Variants in TNR observed in about 807,000 individuals in gnomAD.
The protein encoded by TNR is tenascin R, also known as tenascin-R.
TNR carries 45 observed loss-of-function variants against 150.4 expected under a neutral mutation model. That is an observed-to-expected ratio of 0.30 (90% confidence interval 0.24 to 0.38). TNR has a LOEUF of 0.38. TNR is among the 10% of genes least tolerant of loss of function. The pLI, the probability that TNR is intolerant of heterozygous loss-of-function variation, is 1.00. For missense variants in TNR, 1,544 were observed against 1,759.1 expected, an observed-to-expected ratio of 0.88 and a Z score of 2.19; for synonymous variants, 687 against 678.4, an observed-to-expected ratio of 1.01 and a Z score of -0.20.
chr1:175,705,377 G>C (rs1265598585), intron 1 of TNR, among the ~76,000 whole-genome samples: 1 of 152,098 alleles, frequency 6.6e-6, no homozygotes, highest in East Asian at 1.9e-4. Flanking sequence ...ACATTAAAAA[G>C]CCACTGTGAT....
intron 1 of TNR, among the ~76,000 whole-genome samples, chr1:175,541,080 C>T (rs966088040): frequency 3.9e-5 from 6 of 152,166 alleles, no homozygotes; most frequent in Non-Finnish European, 8.8e-5. Context: ...CATAGAAACA[C>T]CAGCCTGGTT....
intron 1 of TNR, among the ~76,000 whole-genome samples, chr1:175,621,574 A>C (rs937122311): frequency 6.6e-6 from 1 of 152,208 alleles, no homozygotes; most frequent in African/African-American, 2.4e-5. Context: ...TAATAGTAGT[A>C]CCTATCTCAT....
intron 2 of TNR, among the ~76,000 whole-genome samples, chr1:175,414,941 G>A (rs1282100066): frequency 1.3e-5 from 2 of 148,688 alleles, no homozygotes; most frequent in African/African-American, 4.9e-5. Flanking sequence ...GGGCCTCAGG[G>A]CAAAAAAAAA....
At chr1:175,352,981 C>G (rs760859548) in intron 18 of TNR, among the ~76,000 whole-genome samples, 1 of 152,090 alleles carries the variant, frequency 6.6e-6, no homozygotes, top group Non-Finnish European at 1.5e-5. Flanking sequence ...GACGGGAATC[C>G]AGTCATTCTG....
intron 1 of TNR, among the ~76,000 whole-genome samples, chr1:175,529,395 G>T (rs532017637): frequency 2.6e-4 from 39 of 152,352 alleles, no homozygotes; most frequent in African/African-American, 8.9e-4. Context: ...ATTGGAAGAA[G>T]TGTAAAGATT....
chr1:175,681,491 G>A (rs1357074951), intron 1 of TNR, among the ~76,000 whole-genome samples: 2 of 152,198 alleles, frequency 1.3e-5, no homozygotes, highest in Non-Finnish European at 2.9e-5. Context: ...CATCTATAGG[G>A]AGGTGCTGCG....
intron 1 of TNR, among the ~76,000 whole-genome samples, chr1:175,696,795 T>C (rs140559472): frequency 0.028 from 4,177 of 151,702 alleles, 188 homozygotes; most frequent in African/African-American, 0.095. Context: ...AGGAAAATTG[T>C]TTGAACCCAG....
chr1:175,356,986 C>T (rs1339313561), intron 15 of TNR, among the ~76,000 whole-genome samples: 1 of 152,188 alleles, frequency 6.6e-6, no homozygotes, highest in Admixed American at 6.5e-5. Context: ...GTGCTTGTGC[C>T]ACTTATATTA....
At chr1:175,326,236 A>G (rs1649383778) in intron 21 of TNR, among the ~76,000 whole-genome samples, 3 of 152,190 alleles carry the variant, frequency 2.0e-5, no homozygotes, top group South Asian at 2.1e-4. Context: ...ATAACAGTTT[A>G]TAAAACTTTT....
At chr1:175,486,934 T>C (rs1422676835) in intron 2 of TNR, among the ~76,000 whole-genome samples, 1 of 152,254 alleles carries the variant, frequency 6.6e-6, no homozygotes, top group African/African-American at 2.4e-5. Context: ...TTGAGAAGTG[T>C]CTGTTCATAT....
intron 2 of TNR, among the ~76,000 whole-genome samples, chr1:175,488,117 G>A (rs1196412844): frequency 6.6e-6 from 1 of 152,206 alleles, no homozygotes; most frequent in African/African-American, 2.4e-5. Flanking sequence ...GTGCAAGAAA[G>A]CAGAGAGGCA....
chr1:175,414,207 A>G (rs1191187448), intron 2 of TNR, among the ~76,000 whole-genome samples: 1 of 152,022 alleles, frequency 6.6e-6, no homozygotes, highest in Non-Finnish European at 1.5e-5. Context: ...CTCATAAGCC[A>G]CCCAGTTTAC....
chr1:175,355,931 C>A (rs1411679173), intron 16 of TNR, among the ~76,000 whole-genome samples: 1 of 152,190 alleles, frequency 6.6e-6, no homozygotes, highest in Non-Finnish European at 1.5e-5. Context: ...ACTCTCATGT[C>A]TGCTTGTTCA....
intron 1 of TNR, among the ~76,000 whole-genome samples, chr1:175,555,878 T>C (rs1661138121): frequency 6.6e-6 from 1 of 152,234 alleles, no homozygotes; most frequent in Non-Finnish European, 1.5e-5. Context: ...GTTGTGTGGC[T>C]ATAAGATTAT....
At chr1:175,476,812 G>A (rs1482498877) in intron 2 of TNR, among the ~76,000 whole-genome samples, 1 of 152,164 alleles carries the variant, frequency 6.6e-6, no homozygotes, top group Non-Finnish European at 1.5e-5. Flanking sequence ...GACCCTTCGG[G>A]AATTTGAACT....
At chr1:175,642,541 G>A (rs1431468094) in intron 1 of TNR, among the ~76,000 whole-genome samples, 1 of 152,226 alleles carries the variant, frequency 6.6e-6, no homozygotes, top group Non-Finnish European at 1.5e-5. Context: ...GTGCAGTAGA[G>A]GAAGGGCTGA....
At chr1:175,716,081 T>C (rs186937772) in intron 1 of TNR, among the ~76,000 whole-genome samples, 67 of 152,260 alleles carry the variant, frequency 4.4e-4, no homozygotes, top group Non-Finnish European at 7.4e-4. Flanking sequence ...AATGGAACAA[T>C]TCTCCATTTA....
At chr1:175,328,243 A>G (rs913991898) in intron 21 of TNR, among the ~76,000 whole-genome samples, 3 of 152,186 alleles carry the variant, frequency 2.0e-5, no homozygotes, top group African/African-American at 7.2e-5. Flanking sequence ...TTGAGTCCCC[A>G]CAACTTGCAC....
At chr1:175,331,008 T>C (rs984281201) in intron 20 of TNR, among the ~76,000 whole-genome samples, 1 of 47,944 alleles carries the variant, frequency 2.1e-5, no homozygotes, top group Non-Finnish European at 4.2e-5. Context: ...ATTCTTTCTT[T>C]CTTTCTTTCT....
Sources: gnomAD v4.1 joint callset for allele counts (sites outside exome capture counted in the v4.1 genomes callset) on GRCh38, gnomAD v4.1.1 for gene constraint, MANE v1.5 for transcripts, NCBI Gene and HGNC (gene_info 2026-07-23, HGNC 2026-07-21) for gene names.